Variants in ULK1 observed in about 807,000 individuals in gnomAD.
ULK1 encodes the protein unc-51 like autophagy activating kinase 1.
A neutral mutation model predicts 117.5 loss-of-function variants in ULK1; 48 were observed. The ratio of observed to expected loss-of-function variants is 0.41; its 90% CI spans 0.32 to 0.52. The LOEUF is 0.52. ULK1 is among the 20% of genes least tolerant of loss of function. The pLI, the probability that ULK1 is intolerant of heterozygous loss-of-function variation, is 0.29. For missense variants in ULK1, 1,387 were observed against 1,473.4 expected, an observed-to-expected ratio of 0.94 and a Z score of 0.96; for synonymous variants, 790 against 637.8, an observed-to-expected ratio of 1.24 and a Z score of -3.60.
Position 131,908,775 on chromosome 12 carries a change from G to T in ULK1, c.448G>T (p.Ala150Ser). ...KPQNILLSNPAGRRANPNSIR... is the reference protein window; with the variant it reads ...KPQNILLSNPSGRRANPNSIR... ...GCAGAACATCCTGCTGTCCAACCCC[G>T]CCGGCCGCCGCGCCAACCCCAACAG... Residue 150 changes from alanine (A) to serine (S), a missense_variant, in exon 6 of 28, where the codon GCC becomes TCC. By Grantham distance (99) the Ala-to-Ser change is moderately conservative. Around this residue, in one of 4 missense-constraint regions of ULK1, gnomAD observed 224 missense variants for 325.2 expected, o/e 0.69. Transcript: ENST00000321867. 1 of 1,606,626 alleles carries T rather than the reference G, an allele frequency of 6.2e-7. No homozygotes were observed. The highest frequency in any genetic ancestry group is 8.5e-7 in the Non-Finnish European group (1 of 1,177,578).
intron 22 of ULK1, 136 bp from the exon 23 acceptor site, chr12:131,918,361 G>T: frequency 1.9e-6 from 2 of 1,070,202 alleles, no homozygotes; most frequent in African/African-American, 1.6e-5. Context: ...TTCTCCTGTT[G>T]GAGCATTGGG....
chr12:131,918,300 G>A, intron 22 of ULK1, 197 bp from the exon 23 acceptor site: 1 of 663,144 alleles, frequency 1.5e-6, no homozygotes, highest in Admixed American at 3.1e-5. Flanking sequence ...GGACTTGGGG[G>A]TTGTGGTGAG....
Position 131,909,708 on chromosome 12 carries a change from C to G in ULK1, c.667-67C>G, listed in dbSNP as rs564879511. 6,781 of 1,456,288 alleles carry G rather than the reference C, an allele frequency of 4.7e-3. 16 individuals carry two copies. The highest frequency in any genetic ancestry group is 5.6e-3 in the Non-Finnish European group (6,125 of 1,093,706). The allele number at this position is 1,456,288 out of a possible 1,614,324, so 90.2% of individuals were successfully genotyped here. On this transcript the variant is annotated intron_variant, in intron 8 of 27. Coordinates refer to ENST00000321867, the MANE Select transcript of ULK1 (RefSeq NM_003565.4). ...CAGGGGCCGACTGGGGACGAACGCA[C>G]CGAGACCCCGTGGGCTGGTCCCGCT...
At chr12:131,909,272 C>T (rs758899209) in intron 8 of ULK1, 35 bp downstream of exon 8, 3 of 1,533,820 alleles carry the variant, frequency 2.0e-6, no homozygotes, top group South Asian at 1.2e-5. Flanking sequence ...CACGCCGCAC[C>T]GTCAGTGCAA....
chr12:131,916,606 C>T lies in ULK1; in HGVS notation c.2072+15C>T, dbSNP rs1889800361. The T allele has an allele frequency of 1.9e-6, 3 of 1,558,232 alleles. No homozygotes were observed. Among genetic ancestry groups the T allele is most frequent in the East Asian group, 4.5e-5 (2 of 43,964 alleles). On this transcript the variant is annotated intron_variant, in intron 20 of 27. Coordinates refer to ENST00000321867, the MANE Select transcript of ULK1 (RefSeq NM_003565.4). ...CCCTTTGGCCGGTGAGTTGAGGGGACAGGCCTTGGACGGGCTTCTGAGGGG... is the reference window on the plus strand; with the variant it reads ...CCCTTTGGCCGGTGAGTTGAGGGGATAGGCCTTGGACGGGCTTCTGAGGGG...
At chr12:131,899,575 C>T (rs1190946551) in intron 3 of ULK1, among the ~76,000 whole-genome samples, 2 of 152,170 alleles carry the variant, frequency 1.3e-5, no homozygotes, top group Admixed American at 6.5e-5. Flanking sequence ...ACTGCAGCCT[C>T]GAACACCTGA....
chr12:131,919,967 C>T lies in ULK1; in HGVS notation c.2804-12C>T, dbSNP rs114177549. The T allele has an allele frequency of 2.8e-4, 446 of 1,610,820 alleles. 2 individuals carry two copies. In the African/African-American group the frequency reaches 3.0e-3, roughly 11 times the overall value. On this transcript the variant is annotated splice_polypyrimidine_tract_variant and intron_variant, in intron 25 of 27. Transcript: ENST00000321867. ...TGCTGCACCCTGAGCTGACCACCCT[C>T]GTCCTTTGCAGTGGTGCGCAGGCTG...
chr12:131,897,204 C>T (rs1438897327), intron 3 of ULK1: 2 of 152,240 alleles, frequency 1.3e-5, no homozygotes, highest in Non-Finnish European at 1.5e-5. Flanking sequence ...AGCCTGCCCT[C>T]GCCCCCACAG....
intron 4 of ULK1, 23 bp from the exon 5 acceptor site, chr12:131,907,472 G>T: frequency 6.2e-7 from 1 of 1,612,240 alleles, no homozygotes. Flanking sequence ...GCTGCAGCCT[G>T]ATGCGTGTCT....
chr12:131,916,715 C>T, intron 20 of ULK1, 124 bp downstream of exon 20: 2 of 1,285,840 alleles, frequency 1.6e-6, no homozygotes, highest in Non-Finnish European at 1.0e-6. Context: ...CTGTGGGTGC[C>T]CAGTGTGGCT....
intron 12 of ULK1, among the ~76,000 whole-genome samples, chr12:131,911,412 C>T (rs1038438084): frequency 1.3e-5 from 2 of 152,200 alleles, no homozygotes; most frequent in East Asian, 1.9e-4. Context: ...GCGAGGGGAG[C>T]GTGGCAGCGC....
Position 131,895,664 on chromosome 12 carries a change from C to T in ULK1, c.175C>T (p.Leu59=), listed in dbSNP as rs148795061. The change falls in exon 2 of 28, where the codon CTG becomes TTG. Residue 59 remains leucine, a synonymous_variant. Coordinates refer to ENST00000321867, the MANE Select transcript of ULK1 (RefSeq NM_003565.4). The part of the protein sequence containing the change: ...NKKNLAKSQT[L]LGKEIKILKE... ...GAAGAACCTCGCCAAGTCTCAGACG[C>T]TGCTGGGGAAGGAAATCAAAATCCT... The T allele has an allele frequency of 2.0e-5, 33 of 1,614,136 alleles. No individual in the cohort carries two copies. Among genetic ancestry groups the T allele is most frequent in the Middle Eastern group, 1.6e-4 (1 of 6,062 alleles).
chr12:131,898,627 G>A (rs1166032751), intron 3 of ULK1, among the ~76,000 whole-genome samples: 6 of 151,668 alleles, frequency 4.0e-5, no homozygotes, highest in African/African-American at 1.5e-4. Context: ...TCAGCCTCCC[G>A]AGTAGCTGGG....
In ULK1 at chr12:131,921,512, C is replaced by A; in HGVS notation, c.*151C>A. On this transcript the variant is annotated 3_prime_UTR_variant, in exon 28 of 28. Transcript: ENST00000321867. ...ACGGACAGTCAGCCTGCCGGCCTCC[C>A]TGCAGCTCACGGGGCAGAACCAGCA... The A allele has an allele frequency of 8.5e-7, 1 of 1,172,464 alleles. No homozygotes were observed. The highest frequency in any genetic ancestry group is 1.2e-6 in the Non-Finnish European group (1 of 812,648). 72.6% of individuals were successfully genotyped at this position (1,172,464 alleles called of 1,614,324 possible).
At chr12:131,908,197 C>T (rs754650032) in intron 5 of ULK1, among the ~76,000 whole-genome samples, 43 of 152,234 alleles carry the variant, frequency 2.8e-4, no homozygotes, top group Non-Finnish European at 5.0e-4. Context: ...CTGGCCCCCT[C>T]GCCTCGCCCC....
In ULK1 at chr12:131,903,144, GCCC is replaced by G. The variant is rs931505597; in HGVS notation, c.247-3745_247-3743del. On this transcript the variant is annotated intron_variant, in intron 3 of 27. Coordinates refer to ENST00000321867, the MANE Select transcript of ULK1 (RefSeq NM_003565.4). The surrounding 1 kb of genome is among the most constrained non-coding windows in gnomAD (Gnocchi z 6.0). ...GAAGGGTGGACAGGCCCAGCTGGGG[GCCC>G]CCGTCGGGGGGTGTTGTGGCGCAGG... is the stretch of plus-strand genomic sequence containing the variant. Among the ~76,000 whole-genome samples, 29 of 152,274 alleles carry G rather than the reference GCCC, an allele frequency of 1.9e-4. No homozygotes were observed. Among genetic ancestry groups the G allele is most frequent in the Non-Finnish European group, 3.5e-4 (24 of 67,996 alleles).
chr12:131,921,156 C>G lies in ULK1; in HGVS notation c.3018C>G (p.Arg1006=). ...AGCACCGTGAGGGCTGCGTCCCACG[C>G]TACCACAAGGCCCTGCTGCTCCTGG... is the stretch of plus-strand genomic sequence containing the variant. The part of the protein sequence containing the change: ...MFQHREGCVP[R]YHKALLLLEG... Residue 1006 remains arginine, a synonymous_variant, in exon 27 of 28, where the codon CGC becomes CGG. Transcript: ENST00000321867. The G allele has an allele frequency of 1.2e-6, 2 of 1,604,916 alleles. No individual in the cohort carries two copies. The highest frequency in any genetic ancestry group is 2.2e-5 in the South Asian group (2 of 91,088).
Position 131,915,923 on chromosome 12 carries a change from T to C in ULK1, c.1642T>C (p.Ser548Pro), listed in dbSNP as rs1487776193. The C allele has an allele frequency of 6.2e-7, 1 of 1,612,058 alleles. No homozygotes were observed. The highest frequency in any genetic ancestry group is 1.3e-5 in the African/African-American group (1 of 75,004). ...TGCACCCGAGCACTCTCCCCGCACT[T>C]CCGGGCTGGGCTGCCGCCTGCACAG... ...SSAPEHSPRT[S>P]GLGCRLHSAP... The change falls in exon 19 of 28, where the codon TCC (serine) becomes CCC (proline). Residue 548 changes from serine (S) to proline (P), a missense_variant. By Grantham distance (74) the Ser-to-Pro change is moderately conservative. Transcript: ENST00000321867.
chr12:131,907,414 T>G, intron 4 of ULK1, 81 bp from the exon 5 acceptor site: 2 of 1,555,240 alleles, frequency 1.3e-6, no homozygotes, highest in Non-Finnish European at 1.7e-6. Flanking sequence ...TGTCCAAGTG[T>G]GAGGGGTGGG....
Sources: gnomAD v4.1 joint callset for allele counts (sites outside exome capture counted in the v4.1 genomes callset) on GRCh38, gnomAD v4.1.1 for gene constraint, gnomAD v4.1.1 regional missense constraint, Gnocchi (gnomAD v3.1) non-coding constraint, MANE v1.5 for transcripts, NCBI Gene and HGNC (gene_info 2026-07-23, HGNC 2026-07-21) for gene names.